The following NAV2 variants were observed in gnomAD, a reference collection of about 807,000 sequenced individuals.
NAV2 encodes helicase, APC down-regulated 1.
Under a neutral mutation model 223.2 loss-of-function variants are expected in NAV2, and 54 were observed. That is an observed-to-expected ratio of 0.24 (90% CI 0.19 to 0.30). The LOEUF (loss-of-function observed/expected upper bound fraction) is 0.30, where lower values mean the gene tolerates loss of function less well. NAV2 is among the 10% of genes least tolerant of loss of function. NAV2 has a pLI of 1.00. For missense variants in NAV2, 2,806 were observed against 3,147.5 expected, an observed-to-expected ratio of 0.89 and a Z score of 2.60; for synonymous variants, 1,279 against 1,239.3, an observed-to-expected ratio of 1.03 and a Z score of -0.67.
At chr11:19,675,934 T>C (rs1037238989) in intron 1 of NAV2, among the ~76,000 whole-genome samples, 1 of 152,232 alleles carries the variant, frequency 6.6e-6, no homozygotes, top group Non-Finnish European at 1.5e-5. Flanking sequence ...TTTCAATTAA[T>C]CCTTACAACA....
chr11:19,668,353 C>T (rs2048478592), intron 1 of NAV2, among the ~76,000 whole-genome samples: 2 of 151,782 alleles, frequency 1.3e-5, no homozygotes, highest in African/African-American at 4.8e-5. Flanking sequence ...GCCAACATGG[C>T]GAAACCTCAC....
At position 19,787,270 on chromosome 11, in the gene NAV2, C is replaced by CTTTTTTTTTTTTTTTTTTTTTTTTTTT. The variant is rs757183666; in HGVS notation, c.268-45212_268-45186dup. The stretch of plus-strand genomic sequence containing the variant: ...CATGCCTGGCTAATTTTTATTGGAT[C>CTTTTTTTTTTTTTTTTTTTTTTTTTTT]TTTTTTTTTTTTTTTTTTTTTTTTT... On this transcript the variant is annotated intron_variant, in intron 1 of 37. Coordinates refer to ENST00000349880, the MANE Select transcript of NAV2 (RefSeq NM_145117.5). Among the ~76,000 whole-genome samples the CTTTTTTTTTTTTTTTTTTTTTTTTTTT allele has an allele frequency of 7.3e-5, 4 of 55,008 alleles. 1 individual carries two copies. The highest frequency in any genetic ancestry group is 7.0e-5 in the Non-Finnish European group (2 of 28,460). The allele number at this position is 55,008 out of a possible 152,430, so 36.1% of individuals were successfully genotyped here. A position where few individuals can be genotyped will look rare whatever the true frequency, so the allele number is the denominator to read the frequency against.
intron 1 of NAV2, among the ~76,000 whole-genome samples, chr11:19,773,481 G>GA (rs2055883546): frequency 6.6e-6 from 1 of 152,136 alleles, no homozygotes; most frequent in African/African-American, 2.4e-5. Context: ...GCCATGAGCT[G>GA]AAAAAAGAGG....
intron 1 of NAV2, among the ~76,000 whole-genome samples, chr11:19,810,719 G>T (rs1008858314): frequency 1.1e-4 from 17 of 152,182 alleles, no homozygotes; most frequent in African/African-American, 4.1e-4. Context: ...ATCCTGTGAA[G>T]CTTGTTAATA....
chr11:19,672,936 G>A (rs2048611054), intron 1 of NAV2, among the ~76,000 whole-genome samples: 2 of 152,174 alleles, frequency 1.3e-5, no homozygotes. Flanking sequence ...AAGTGTTTGT[G>A]TGTTTGTTTG....
intron 19 of NAV2, among the ~76,000 whole-genome samples, chr11:20,056,193 T>G (rs966358763): frequency 3.3e-5 from 5 of 152,200 alleles, no homozygotes; most frequent in African/African-American, 1.2e-4. Context: ...TAAAAATCAC[T>G]GGTGAACCAT....
At chr11:19,697,864 C>T (rs2049394928) in intron 1 of NAV2, among the ~76,000 whole-genome samples, 1 of 152,190 alleles carries the variant, frequency 6.6e-6, no homozygotes, top group Non-Finnish European at 1.5e-5. Flanking sequence ...AGAAGGGCCT[C>T]CTGCTCCTTT....
intron 1 of NAV2, among the ~76,000 whole-genome samples, chr11:19,651,693 T>A (rs1044119175): frequency 2.0e-5 from 3 of 152,230 alleles, no homozygotes; most frequent in African/African-American, 7.2e-5. Flanking sequence ...CTTAGCACCA[T>A]GTGGCATGAG....
intron 1 of NAV2, among the ~76,000 whole-genome samples, chr11:19,392,477 G>T (rs1466689750): frequency 2.6e-5 from 4 of 151,990 alleles, no homozygotes; most frequent in Non-Finnish European, 5.9e-5. Context: ...ATACTTGGTG[G>T]TTGATGCTGG....
At chr11:19,348,009 A>G (rs1279552766), upstream of NAV2, among the ~76,000 whole-genome samples, 2 of 152,200 alleles carry the variant, frequency 1.3e-5, no homozygotes, top group Non-Finnish European at 2.9e-5. Flanking sequence ...CAAGGACAGC[A>G]ACAGCCCCAG....
At chr11:19,477,626 G>A (rs77573492) in intron 1 of NAV2, among the ~76,000 whole-genome samples, 2 of 152,150 alleles carry the variant, frequency 1.3e-5, no homozygotes, top group Admixed American at 6.5e-5. Context: ...CTTCATGAGG[G>A]TCCCCAGCAT....
chr11:20,093,464 A>G (rs1415286464), intron 29 of NAV2, among the ~76,000 whole-genome samples: 2 of 152,186 alleles, frequency 1.3e-5, no homozygotes, highest in Admixed American at 6.5e-5. Flanking sequence ...GTAATTAACT[A>G]AACACTAACA....
intron 29 of NAV2, among the ~76,000 whole-genome samples, chr11:20,094,988 CAA>C (rs2061146126): frequency 6.6e-6 from 1 of 152,144 alleles, no homozygotes; most frequent in African/African-American, 2.4e-5. Context: ...AACAGAGATG[CAA>C]AAGAGTTAGA....
At chr11:19,415,299 A>G (rs1372726319) in intron 1 of NAV2, among the ~76,000 whole-genome samples, 1 of 152,250 alleles carries the variant, frequency 6.6e-6, no homozygotes, top group East Asian at 1.9e-4. Flanking sequence ...AACTACCATC[A>G]GAGAATACTA....
intron 1 of NAV2, among the ~76,000 whole-genome samples, chr11:19,581,041 T>C (rs2045701129): frequency 6.6e-6 from 1 of 152,242 alleles, no homozygotes; most frequent in Non-Finnish European, 1.5e-5. Context: ...TCTCTTCTTA[T>C]ATTAATTGGC....
At chr11:19,960,704 C>T (rs946306143) in intron 10 of NAV2, among the ~76,000 whole-genome samples, 2 of 151,994 alleles carry the variant, frequency 1.3e-5, no homozygotes, top group African/African-American at 4.8e-5. Flanking sequence ...ACCTCTGCCT[C>T]CCGCATTCAA....
chr11:19,772,358 G>A (rs551993442), intron 1 of NAV2, among the ~76,000 whole-genome samples: 3 of 152,278 alleles, frequency 2.0e-5, no homozygotes, highest in East Asian at 3.9e-4. Flanking sequence ...CTCCTGTTTG[G>A]TGGCTTTCAA....
intron 1 of NAV2, among the ~76,000 whole-genome samples, chr11:19,369,218 C>A (rs1417336138): frequency 6.6e-6 from 1 of 152,046 alleles, no homozygotes; most frequent in Non-Finnish European, 1.5e-5. Context: ...TTAACAGATG[C>A]CCGGATGTCA....
intron 1 of NAV2, among the ~76,000 whole-genome samples, chr11:19,450,954 C>T (rs1171353472): frequency 2.6e-5 from 4 of 152,116 alleles, no homozygotes; most frequent in Admixed American, 2.6e-4. Context: ...GTAGCAGCTT[C>T]TGAATGAGGT....
Sources: allele counts gnomAD v4.1 joint callset (sites outside exome capture counted in the v4.1 genomes callset), GRCh38; gene constraint gnomAD v4.1.1; transcripts MANE v1.5; gene names NCBI Gene and HGNC (gene_info 2026-07-23, HGNC 2026-07-21).